Variants in SMIM35 observed in about 807,000 individuals in gnomAD.
SMIM35 encodes small integral membrane protein 35.
chr11:118,074,961 C>A (rs1026438225), intron 1 of SMIM35, among the ~76,000 whole-genome samples: 1 of 152,174 alleles, frequency 6.6e-6, no homozygotes, highest in African/African-American at 2.4e-5. Flanking sequence ...GGAGCAGAAG[C>A]CAGGAGGGCT....
intron 1 of SMIM35, among the ~76,000 whole-genome samples, chr11:118,070,630 A>G (rs1405739254): frequency 6.6e-6 from 1 of 152,216 alleles, no homozygotes; most frequent in Non-Finnish European, 1.5e-5. Flanking sequence ...AATTAAGAGT[A>G]TCCTGGAGAG....
At position 118,014,343 on chromosome 11, in the gene SMIM35, A is replaced by G. The variant is rs2135019442; in HGVS notation, c.158+365T>C. ...AAGGAAGGGAAGGGAAGGAAAGGAA[A>G]GGAAGGAAGAAAGGAAGGCAGCTCT... On this transcript the variant is annotated intron_variant, in intron 3 of 4. Coordinates refer to ENST00000689828, the MANE Select transcript of SMIM35 (RefSeq NM_001394165.1). Among the ~76,000 whole-genome samples, 4 of 152,186 alleles carry G rather than the reference A, an allele frequency of 2.6e-5. 1 individual carries two copies. In the East Asian group the frequency reaches 7.7e-4, roughly 29 times the overall value.
intron 1 of SMIM35, among the ~76,000 whole-genome samples, chr11:118,022,935 C>A (rs957190664): frequency 2.6e-5 from 4 of 151,336 alleles, no homozygotes; most frequent in Non-Finnish European, 1.5e-5. Flanking sequence ...ATTATTTCCA[C>A]TACACTGGGT....
Position 118,005,397 on chromosome 11 carries a change from C to T in SMIM35, c.*1013G>A, listed in dbSNP as rs1001341807. ...CCCCTACTTGTTATCACCCAGTCCA[C>T]ACCTTTAAGTGTTATCTGGATGCTG... On this transcript the variant is annotated 3_prime_UTR_variant, in exon 5 of 5. Coordinates refer to ENST00000689828, the MANE Select transcript of SMIM35 (RefSeq NM_001394165.1). 4 of 152,266 alleles carry T rather than the reference C, an allele frequency of 2.6e-5. No homozygotes were observed. The highest frequency in any genetic ancestry group is 9.7e-5 in the African/African-American group (4 of 41,442). The allele number at this position is 152,266 out of a possible 1,614,324, so 9.4% of individuals were successfully genotyped here.
chr11:118,051,752 A>T (rs1944217377), intron 1 of SMIM35, among the ~76,000 whole-genome samples: 1 of 152,182 alleles, frequency 6.6e-6, no homozygotes, highest in South Asian at 2.1e-4. Context: ...CAGCCATGTC[A>T]TCTGTGGTTT....
intron 1 of SMIM35, among the ~76,000 whole-genome samples, chr11:118,073,064 C>T (rs889892301): frequency 1.3e-5 from 2 of 152,162 alleles, no homozygotes; most frequent in Non-Finnish European, 2.9e-5. Flanking sequence ...ATTACAGGCA[C>T]CCTCCACCAC....
chr11:118,027,035 T>TC (rs2058280121), intron 1 of SMIM35, among the ~76,000 whole-genome samples: 1 of 145,008 alleles, frequency 6.9e-6, no homozygotes, highest in Non-Finnish European at 1.5e-5. Context: ...TTTTTTTTTT[T>TC]TTTGAGACGG....
intron 1 of SMIM35, among the ~76,000 whole-genome samples, chr11:118,027,441 T>A (rs989790325): frequency 1.1e-4 from 16 of 152,190 alleles, no homozygotes; most frequent in African/African-American, 3.9e-4. Flanking sequence ...AATCACCCAG[T>A]TCACAGAGCT....
chr11:118,057,819 G>A (rs925239796), intron 1 of SMIM35, among the ~76,000 whole-genome samples: 27 of 152,356 alleles, frequency 1.8e-4, no homozygotes, highest in Admixed American at 3.3e-4. Context: ...ACAGCAGGCG[G>A]AATGCAGGCA....
At chr11:118,046,830 C>T (rs961800549) in intron 1 of SMIM35, among the ~76,000 whole-genome samples, 1 of 152,082 alleles carries the variant, frequency 6.6e-6, no homozygotes, top group African/African-American at 2.4e-5. Flanking sequence ...ATATGAGAGT[C>T]GGTATAGGGA....
intron 1 of SMIM35, among the ~76,000 whole-genome samples, chr11:118,054,977 T>C (rs1188731706): frequency 1.3e-5 from 2 of 152,072 alleles, no homozygotes; most frequent in African/African-American, 4.8e-5. Context: ...CTAATTTTTG[T>C]ATTTTTTGGT....
chr11:118,034,978 G>A (rs1403433499), intron 1 of SMIM35, among the ~76,000 whole-genome samples: 1 of 147,246 alleles, frequency 6.8e-6, no homozygotes, highest in Admixed American at 6.9e-5. Flanking sequence ...TTTTGACAGA[G>A]TTTCACTCTG....
chr11:118,079,300 C>T (rs556108669), intron 1 of SMIM35, among the ~76,000 whole-genome samples: 6 of 152,302 alleles, frequency 3.9e-5, no homozygotes, highest in African/African-American at 1.2e-4. Flanking sequence ...GCCCTCCCTT[C>T]CCTTCCCTTC....
At chr11:118,014,384 A>AGATGGATG (rs72362173) in intron 3 of SMIM35, among the ~76,000 whole-genome samples, 3 of 146,964 alleles carry the variant, frequency 2.0e-5, no homozygotes, top group African/African-American at 5.0e-5. Flanking sequence ...CTTGGGGGAG[A>AGATGGATG]GATGGATGGA....
chr11:118,009,725 T>TAA lies in SMIM35; in HGVS notation c.*34-3351_*34-3350dup, dbSNP rs35140092. ...CTAAGAACTGAGAATGCAGACGCTTTAAAAAAAAAAAAAAAAAAAGTAGAT... is the reference window on the plus strand; with the variant it reads ...CTAAGAACTGAGAATGCAGACGCTTTAAAAAAAAAAAAAAAAAAAAAGTAGAT... On this transcript the variant is annotated intron_variant, in intron 4 of 4. Transcript: ENST00000689828. Among the ~76,000 whole-genome samples the TAA allele has an allele frequency of 6.9e-4, 94 of 135,272 alleles. 1 individual carries two copies. Among genetic ancestry groups the TAA allele is most frequent in the African/African-American group, 2.0e-3 (74 of 37,064 alleles). The allele number at this position is 135,272 out of a possible 152,430, so 88.7% of individuals were successfully genotyped here. A position where few individuals can be genotyped will look rare whatever the true frequency, so the allele number is the denominator to read the frequency against.
chr11:118,048,590 G>C (rs7125308), intron 1 of SMIM35, among the ~76,000 whole-genome samples: 2,214 of 103,356 alleles, frequency 0.021, 54 homozygotes, highest in African/African-American at 0.063. Context: ...AGGAAGGAAG[G>C]AAGGAAGCAA....
intron 1 of SMIM35, among the ~76,000 whole-genome samples, chr11:118,049,339 A>ATTTTTTTTTTT (rs398017739): frequency 1.2e-5 from 1 of 83,992 alleles, no homozygotes; most frequent in African/African-American, 5.0e-5. Flanking sequence ...TCCACCCTTA[A>ATTTTTTTTTTT]TTTTTTTTTT....
chr11:118,026,674 T>G (rs146664866), intron 1 of SMIM35, among the ~76,000 whole-genome samples: 14 of 152,322 alleles, frequency 9.2e-5, no homozygotes, highest in Admixed American at 4.6e-4. Flanking sequence ...TTCATTAAGA[T>G]GCAGGTCTTA....
At chr11:118,076,833 G>A (rs60422720) in intron 1 of SMIM35, among the ~76,000 whole-genome samples, 3,032 of 152,090 alleles carry the variant, frequency 0.02, 45 homozygotes, top group African/African-American at 0.049. Context: ...GGTAGGGGGA[G>A]GGGGGGCGGA....
Sources: allele counts gnomAD v4.1 joint callset (sites outside exome capture counted in the v4.1 genomes callset), GRCh38; gene constraint gnomAD v4.1.1; transcripts MANE v1.5; gene names NCBI Gene and HGNC (gene_info 2026-07-23, HGNC 2026-07-21).